CNGB1: variants seen among roughly 807,000 people sequenced by gnomAD.
The protein encoded by CNGB1 is cyclic nucleotide gated channel subunit beta 1.
A neutral mutation model predicts 151.7 loss-of-function variants in CNGB1; 126 were observed. The ratio of observed to expected loss-of-function variants is 0.83; its 90% confidence interval spans 0.72 to 0.96. The LOEUF is 0.96. Among genes scored for constraint, CNGB1 ranks in the 40% least tolerant of loss-of-function variants. The probability of loss-of-function intolerance (pLI) is 0.00; values close to 1 mark genes in which losing one functional copy is unlikely to be tolerated. For synonymous variants in CNGB1, 623 were observed against 635.1 expected (o/e 0.98, Z 0.29); for missense variants, 1,698 against 1,627.0 (o/e 1.04, Z -0.75).
intron 22 of CNGB1, 94 bp from the exon 23 acceptor site, chr16:57,915,429 A>C: frequency 1.0e-6 from 1 of 983,414 alleles, no homozygotes; most frequent in South Asian, 1.4e-5. Context: ...CTTCCATGGA[A>C]AGGTGAGGTC....
At chr16:57,916,868 T>G (rs1960880650) in intron 21 of CNGB1, among the ~76,000 whole-genome samples, 1 of 152,170 alleles carries the variant, frequency 6.6e-6, no homozygotes, top group African/African-American at 2.4e-5. Flanking sequence ...ATGCATCGTT[T>G]CAACCAATCC....
chr16:57,946,311 G>A, intron 14 of CNGB1: 1 of 152,822 alleles, frequency 6.5e-6, no homozygotes, highest in South Asian at 2.1e-4. Flanking sequence ...GTCACCTTCA[G>A]CAGACTGTCC....
At chr16:57,958,839 G>A (rs1962158988) in intron 10 of CNGB1, among the ~76,000 whole-genome samples, 2 of 151,224 alleles carry the variant, frequency 1.3e-5, no homozygotes, top group South Asian at 4.2e-4. Flanking sequence ...TGACTTGGTG[G>A]CCCAGGCTGA....
At position 57,887,883 on chromosome 16, in the gene CNGB1, G is replaced by A; in HGVS notation, c.3434C>T (p.Ala1145Val). ...TTCCACCAACTCTTGCTGCTTTGCAGCCGCCTCCAGCGCGGCCAGTTCTTT... is the reference window on the plus strand; with the variant it reads ...TTCCACCAACTCTTGCTGCTTTGCAACCGCCTCCAGCGCGGCCAGTTCTTT... ...RLKELAALEA[A>V]AKQQELVEQA... The change falls in exon 32 of 33, where the codon GCT (alanine) becomes GTT (valine). Residue 1145 changes from alanine to valine, a missense_variant. By Grantham distance (64) the Ala-to-Val change is moderately conservative. Transcript: ENST00000251102. 1 of 1,614,194 alleles carries A rather than the reference G, an allele frequency of 6.2e-7. No homozygotes were observed. The highest frequency in any genetic ancestry group is 8.5e-7 in the Non-Finnish European group (1 of 1,180,040).
At chr16:57,887,823 G>A in intron 32 of CNGB1, 32 bp downstream of exon 32, 1 of 1,605,388 alleles carries the variant, frequency 6.2e-7, no homozygotes, top group East Asian at 2.2e-5. Flanking sequence ...ATATTGAAAT[G>A]AACGTGGTGG....
At chr16:57,954,898 GC>G (rs1389488589) in intron 12 of CNGB1, 1 of 1,034,262 alleles carries the variant, frequency 9.7e-7, no homozygotes. Flanking sequence ...CATCCATGGG[GC>G]TTTTTAATTT....
intron 21 of CNGB1, among the ~76,000 whole-genome samples, chr16:57,916,928 T>C (rs2149364546): frequency 6.6e-6 from 1 of 152,250 alleles, no homozygotes; most frequent in African/African-American, 2.4e-5. Flanking sequence ...ATTCTACAGA[T>C]GAGGAAACAG....
At chr16:57,889,763 A>C (rs1045076275) in intron 31 of CNGB1, among the ~76,000 whole-genome samples, 3 of 152,206 alleles carry the variant, frequency 2.0e-5, no homozygotes, top group African/African-American at 7.2e-5. Flanking sequence ...CACAGCTAAG[A>C]AGCGGCAAAG....
intron 31 of CNGB1, among the ~76,000 whole-genome samples, chr16:57,890,157 A>G (rs1310779457): frequency 2.0e-5 from 3 of 152,216 alleles, no homozygotes; most frequent in Non-Finnish European, 4.4e-5. Flanking sequence ...TAGACAATGA[A>G]TTGGCAAATT....
At position 57,950,463 on chromosome 16, in the gene CNGB1, G is replaced by A. The variant is rs372504780; in HGVS notation, c.952C>T (p.Gln318Ter). ...EVEPPWEDAHQDVSTSPQGTE... is the reference protein window; with the variant it reads ...EVEPPWEDAH The stretch of plus-strand genomic sequence containing the variant: ...CCCTGTGGGCTGGTACTGACATCCT[G>A]GTGGGCATCCTCCCAGGGCGGTTCA... Residue 318 changes from glutamine (Q) to a stop codon, truncating the protein, a stop_gained, in exon 13 of 33, where the codon CAG becomes TAG. Transcript: ENST00000251102. LOFTEE classifies it high-confidence loss of function. 67 of 1,614,098 alleles carry A rather than the reference G, an allele frequency of 4.2e-5. No homozygotes were observed. The highest frequency in any genetic ancestry group is 5.6e-5 in the Non-Finnish European group (66 of 1,180,036).
intron 14 of CNGB1, among the ~76,000 whole-genome samples, chr16:57,945,618 G>A (rs1961787265): frequency 6.6e-6 from 1 of 152,246 alleles, no homozygotes; most frequent in South Asian, 2.1e-4. Context: ...TTGTTCTGGT[G>A]ATTCTTCTGG....
At chr16:57,907,868 C>G (rs978137062) in intron 25 of CNGB1, among the ~76,000 whole-genome samples, 3 of 152,148 alleles carry the variant, frequency 2.0e-5, no homozygotes, top group African/African-American at 7.2e-5. Flanking sequence ...AGGGACTCCT[C>G]TCCTGCCTGC....
intron 12 of CNGB1, 51 bp from the exon 13 acceptor site, chr16:57,950,591 T>C (rs1355601547): frequency 6.2e-7 from 1 of 1,606,278 alleles, no homozygotes; most frequent in Non-Finnish European, 8.5e-7. Context: ...GAGAGTGGGC[T>C]TGGGCCTCTG....
chr16:57,939,652 C>A, intron 15 of CNGB1, 60 bp from the exon 16 acceptor site: 1 of 1,608,614 alleles, frequency 6.2e-7, no homozygotes, highest in Non-Finnish European at 8.5e-7. Context: ...CTAGTCTCAG[C>A]AGCTCCTGTT....
chr16:57,927,240 C>T (rs1406337504), intron 17 of CNGB1, among the ~76,000 whole-genome samples: 1 of 152,198 alleles, frequency 6.6e-6, no homozygotes, highest in Non-Finnish European at 1.5e-5. Context: ...AGACCCACGT[C>T]TTACAAGTGA....
At chr16:57,905,307 T>G (rs1211092316) in intron 25 of CNGB1, among the ~76,000 whole-genome samples, 4 of 152,244 alleles carry the variant, frequency 2.6e-5, no homozygotes, top group Non-Finnish European at 4.4e-5. Context: ...GTTTGGACGA[T>G]ATCTTGAGGA....
At chr16:57,955,959 C>T (rs958544630) in intron 12 of CNGB1, among the ~76,000 whole-genome samples, 2 of 152,184 alleles carry the variant, frequency 1.3e-5, no homozygotes, top group Admixed American at 1.3e-4. Context: ...ACATCTGTTA[C>T]GGCAGTCCTA....
At chr16:57,935,400 C>T (rs1316861298) in intron 16 of CNGB1, among the ~76,000 whole-genome samples, 1 of 152,128 alleles carries the variant, frequency 6.6e-6, no homozygotes, top group African/African-American at 2.4e-5. Context: ...AGAATTGAGG[C>T]CGGGCACAGT....
intron 12 of CNGB1, among the ~76,000 whole-genome samples, chr16:57,952,403 G>A (rs1961972510): frequency 6.7e-6 from 1 of 150,224 alleles, no homozygotes; most frequent in Non-Finnish European, 1.5e-5. Context: ...AATTGATGCT[G>A]TCCTTGCTTC....
Sources: allele counts gnomAD v4.1 joint callset (sites outside exome capture counted in the v4.1 genomes callset), GRCh38; gene constraint gnomAD v4.1.1; transcripts MANE v1.5; gene names NCBI Gene and HGNC (gene_info 2026-07-23, HGNC 2026-07-21).